Variants in OR9Q1 observed in about 807,000 individuals in gnomAD.
The protein encoded by OR9Q1 is olfactory receptor 9Q1.
For synonymous variants in OR9Q1, 153 were observed against 148.6 expected (o/e 1.03, Z -0.22); for missense variants, 374 against 378.8 (o/e 0.99, Z 0.11).
At chr11:58,137,009 T>C (rs1274913742) in intron 2 of OR9Q1, among the ~76,000 whole-genome samples, 1 of 152,208 alleles carries the variant, frequency 6.6e-6, no homozygotes, top group Admixed American at 6.5e-5. Context: ...GTTTATGCAC[T>C]GTCTTTCCAG....
At chr11:58,067,871 G>A (rs1456881949) in intron 2 of OR9Q1, among the ~76,000 whole-genome samples, 2 of 152,228 alleles carry the variant, frequency 1.3e-5, no homozygotes, top group Non-Finnish European at 2.9e-5. Context: ...GGAAGGGCAT[G>A]CTCTGCAAGG....
In OR9Q1 at chr11:58,152,401, C is replaced by T. The variant is rs141305599; in HGVS notation, c.-14-27030C>T. Among the ~76,000 whole-genome samples, 275 of 152,260 alleles carry T rather than the reference C, an allele frequency of 1.8e-3. 1 individual carries two copies. The highest frequency in any genetic ancestry group is 6.1e-3 in the African/African-American group (254 of 41,552). On this transcript the variant is annotated intron_variant, in intron 2 of 2. Coordinates refer to ENST00000335397, the MANE Select transcript of OR9Q1 (RefSeq NM_001005212.4). ...GCAGTGAATGAAAATGCTGGATACC[C>T]TATGATCTGACAGCACTTGGGAGCA... is the stretch of plus-strand genomic sequence containing the variant.
At chr11:58,119,211 G>T in intron 2 of OR9Q1, 1 of 1,613,952 alleles carries the variant, frequency 6.2e-7, no homozygotes. Flanking sequence ...GGATCTGAGG[G>T]GTGATGACTG....
chr11:58,030,220 T>C (rs1014800718), intron 1 of OR9Q1, among the ~76,000 whole-genome samples: 1 of 152,180 alleles, frequency 6.6e-6, no homozygotes, highest in Non-Finnish European at 1.5e-5. Flanking sequence ...CTGCTTATAA[T>C]TCTTAAAGTC....
intron 2 of OR9Q1, among the ~76,000 whole-genome samples, chr11:58,132,081 A>G (rs2119844955): frequency 6.6e-6 from 1 of 152,328 alleles, no homozygotes; most frequent in Admixed American, 6.5e-5. Context: ...GGAGGTGGGC[A>G]TATAGAAGTG....
At chr11:58,151,788 A>G (rs956304510) in intron 2 of OR9Q1, among the ~76,000 whole-genome samples, 1 of 151,186 alleles carries the variant, frequency 6.6e-6, no homozygotes, top group African/African-American at 2.4e-5. Context: ...TTTTTTTTTT[A>G]ACCTTGCACA....
At chr11:58,067,600 G>A (rs548780837) in intron 2 of OR9Q1, among the ~76,000 whole-genome samples, 2 of 152,340 alleles carry the variant, frequency 1.3e-5, no homozygotes, top group South Asian at 4.1e-4. Context: ...GAGGAGGGCT[G>A]GTGCCAGGGC....
chr11:58,166,983 T>A (rs1410918683), intron 2 of OR9Q1, among the ~76,000 whole-genome samples: 1 of 150,432 alleles, frequency 6.6e-6, no homozygotes, highest in Non-Finnish European at 1.5e-5. Context: ...CATTGTAGCA[T>A]TAAGTATTCT....
chr11:58,089,688 A>G (rs1213378108), intron 2 of OR9Q1, among the ~76,000 whole-genome samples: 1 of 151,926 alleles, frequency 6.6e-6, no homozygotes, highest in Non-Finnish European at 1.5e-5. Context: ...AATTCTGTGA[A>G]GAAAGTCAAC....
chr11:58,046,895 CTGG>C (rs1423170987), intron 1 of OR9Q1, among the ~76,000 whole-genome samples: 1 of 152,030 alleles, frequency 6.6e-6, no homozygotes, highest in African/African-American at 2.4e-5. Context: ...ATTTCTCCCT[CTGG>C]TGACCTTAGA....
At chr11:58,073,967 G>A (rs570565527) in intron 2 of OR9Q1, among the ~76,000 whole-genome samples, 10 of 152,196 alleles carry the variant, frequency 6.6e-5, no homozygotes, top group Admixed American at 1.3e-4. Flanking sequence ...CCATGTCCTC[G>A]CAAAGGACAT....
intron 2 of OR9Q1, among the ~76,000 whole-genome samples, chr11:58,133,554 T>C (rs1202754091): frequency 1.3e-5 from 2 of 152,218 alleles, no homozygotes; most frequent in Non-Finnish European, 2.9e-5. Flanking sequence ...CATCTTTGTG[T>C]CTTGGTTTCC....
At chr11:58,148,837 G>A (rs1854323636) in intron 2 of OR9Q1, among the ~76,000 whole-genome samples, 1 of 152,190 alleles carries the variant, frequency 6.6e-6, no homozygotes, top group Non-Finnish European at 1.5e-5. Flanking sequence ...AAGAAAGTGG[G>A]CTGTCGGCTT....
intron 1 of OR9Q1, chr11:58,044,573 T>C (rs960395062): frequency 1.3e-5 from 2 of 152,238 alleles, no homozygotes; most frequent in Admixed American, 6.5e-5. Flanking sequence ...CCTCTCTCTC[T>C]TTCTTTCTCT....
At chr11:58,166,381 A>G (rs1314831113) in intron 2 of OR9Q1, among the ~76,000 whole-genome samples, 1 of 152,126 alleles carries the variant, frequency 6.6e-6, no homozygotes, top group Non-Finnish European at 1.5e-5. Context: ...TACTCATCAA[A>G]CATTTATTTA....
intron 2 of OR9Q1, among the ~76,000 whole-genome samples, chr11:58,093,888 T>G (rs1285679236): frequency 6.6e-6 from 1 of 151,822 alleles, no homozygotes; most frequent in Non-Finnish European, 1.5e-5. Context: ...TATATGAAGA[T>G]TTCTCAAAGA....
intron 2 of OR9Q1, among the ~76,000 whole-genome samples, chr11:58,175,145 C>T (rs185967245): frequency 1.5e-4 from 22 of 142,084 alleles, no homozygotes; most frequent in East Asian, 6.1e-4. Flanking sequence ...TAGATTATTA[C>T]GCACAACAAT....
intron 2 of OR9Q1, chr11:58,109,617 T>A: frequency 2.2e-6 from 1 of 457,152 alleles, no homozygotes; most frequent in South Asian, 1.5e-5. Context: ...CTGTGAAGAC[T>A]ACAAGAATGA....
At chr11:58,142,619 T>C (rs1222283116) in intron 2 of OR9Q1, among the ~76,000 whole-genome samples, 2 of 152,192 alleles carry the variant, frequency 1.3e-5, no homozygotes, top group African/African-American at 2.4e-5. Context: ...TCCTATGAGA[T>C]CTTTTTCAAA....
Sources: allele counts gnomAD v4.1 joint callset (sites outside exome capture counted in the v4.1 genomes callset), GRCh38; gene constraint gnomAD v4.1.1; transcripts MANE v1.5; gene names NCBI Gene and HGNC (gene_info 2026-07-23, HGNC 2026-07-21).